ITGA6: variants seen among roughly 807,000 people sequenced by gnomAD.
ITGA6 encodes the protein integrin subunit alpha 6.
Under a neutral mutation model 133.6 loss-of-function variants are expected in ITGA6, and 63 were observed. That is an observed-to-expected ratio of 0.47 (90% CI 0.38 to 0.58). ITGA6 has a LOEUF of 0.58. Among genes scored for constraint, ITGA6 ranks in the 20% least tolerant of loss-of-function variants. ITGA6 has a pLI of 0.00. For missense variants in ITGA6, 1,068 were observed against 1,309.4 expected, an observed-to-expected ratio of 0.82 and a Z score of 2.85; for synonymous variants, 434 against 482.0, an observed-to-expected ratio of 0.90 and a Z score of 1.30.
At position 172,480,550 on chromosome 2, in the gene ITGA6, G is replaced by T. The variant is rs143776900; in HGVS notation, c.1549+499G>T. Among the ~76,000 whole-genome samples the T allele has an allele frequency of 4.0e-3, 606 of 152,248 alleles. 6 individuals carry two copies. In the South Asian group the frequency reaches 0.05, roughly 13 times the overall value. The stretch of plus-strand genomic sequence containing the variant: ...CTGTGTTCCCAAGAGCAGGCCCCTA[G>T]GGAATTTGCAAGCCGGCCCTGAGAG... On this transcript the variant is annotated intron_variant, in intron 11 of 25. Coordinates refer to ENST00000684293, the MANE Select transcript of ITGA6 (RefSeq NM_000210.4).
intron 20 of ITGA6, 178 bp downstream of exon 20, chr2:172,489,836 C>G (rs1686846420): frequency 3.2e-6 from 2 of 615,992 alleles, no homozygotes; most frequent in Non-Finnish European, 5.7e-6. Context: ...GGCATTTTTG[C>G]TGGTTAATGA....
chr2:172,436,278 G>A (rs1240068687), intron 1 of ITGA6, among the ~76,000 whole-genome samples: 1 of 152,174 alleles, frequency 6.6e-6, no homozygotes, highest in Non-Finnish European at 1.5e-5. Flanking sequence ...GAGGACTTTC[G>A]GGAATCCCAG....
At chr2:172,428,140 C>T (rs952542903) in intron 1 of ITGA6, 170 bp downstream of exon 1, 15 of 424,114 alleles carry the variant, frequency 3.5e-5, no homozygotes, top group Non-Finnish European at 5.5e-5. Flanking sequence ...CGCCCTGACC[C>T]GCCCCGCGCG....
At chr2:172,444,342 C>G (rs1450495830) in intron 1 of ITGA6, among the ~76,000 whole-genome samples, 2 of 152,148 alleles carry the variant, frequency 1.3e-5, no homozygotes, top group African/African-American at 2.4e-5. Flanking sequence ...AGGACTGATT[C>G]AGTATACACA....
rs1686751173 is a variant in ITGA6, at chr2:172,487,712, A to AT, written c.2245-13dup. ...GTATGCATGGCCTGTGTTAACAGCT[A>AT]TTTATGTTTTTTTAGGTCACTTTTT... On this transcript the variant is annotated splice_polypyrimidine_tract_variant and intron_variant, in intron 16 of 25. Coordinates refer to ENST00000684293, the MANE Select transcript of ITGA6 (RefSeq NM_000210.4). 6.2e-7 allele frequency: 1 copy of AT among 1,604,856 alleles called. No individual in the cohort carries two copies. The highest frequency in any genetic ancestry group is 8.5e-7 in the Non-Finnish European group (1 of 1,172,086).
rs1686617403 is a variant in ITGA6, at chr2:172,485,264, T to TG, written c.1854+1dup. 6.2e-7 allele frequency: 1 copy of TG among 1,614,002 alleles called. No homozygotes were observed. Among genetic ancestry groups the TG allele is most frequent in the Non-Finnish European group, 8.5e-7 (1 of 1,179,920 alleles). ...ATGAACCCAAGACAGCTCATATTGA[T>TG]GTAAGTCTCTCTGACTTTCATTTTG... On this transcript the variant is annotated frameshift_variant and splice_region_variant. Transcript: ENST00000684293. LOFTEE classifies it high-confidence loss of function.
intron 24 of ITGA6, 84 bp downstream of exon 24, chr2:172,498,184 T>G (rs1410094350): frequency 1.2e-5 from 16 of 1,341,326 alleles, no homozygotes; most frequent in Non-Finnish European, 1.6e-5. Flanking sequence ...TAGTACGTTT[T>G]CTTTTTCATT....
At chr2:172,461,562 T>G (rs749450704) in intron 1 of ITGA6, among the ~76,000 whole-genome samples, 33 of 152,214 alleles carry the variant, frequency 2.2e-4, no homozygotes, top group Non-Finnish European at 1.2e-4. Flanking sequence ...ACATAGCTCT[T>G]TCCTCCTTCA....
At chr2:172,479,920 A>G in intron 10 of ITGA6, 70 bp from the exon 11 acceptor site, 1 of 1,124,758 alleles carries the variant, frequency 8.9e-7, no homozygotes, top group Non-Finnish European at 1.4e-6. Context: ...TTGGAGAGCT[A>G]GGGAACATGT....
In ITGA6 at chr2:172,475,700, G is replaced by A. The variant is rs542877140; in HGVS notation, c.1269+15G>A. The A allele has an allele frequency of 1.3e-5, 19 of 1,430,134 alleles. No homozygotes were observed. Among genetic ancestry groups the A allele is most frequent in the African/African-American group, 5.6e-5 (4 of 71,476 alleles). 88.6% of individuals were successfully genotyped at this position (1,430,134 alleles called of 1,614,324 possible). A position where few individuals can be genotyped will look rare whatever the true frequency, so the allele number is the denominator to read the frequency against. ...AACCAACACAGGTAACCAAATAACC[G>A]GGATTTCTACAGCTAGAGTCTCAAC... On this transcript the variant is annotated intron_variant, in intron 8 of 25. Coordinates refer to ENST00000684293, the MANE Select transcript of ITGA6 (RefSeq NM_000210.4).
At chr2:172,475,798 A>G in intron 8 of ITGA6, 113 bp downstream of exon 8, 2 of 697,572 alleles carry the variant, frequency 2.9e-6, no homozygotes, top group Admixed American at 4.8e-5. Flanking sequence ...ACAAGTCCAC[A>G]ATAGTATAAA....
intron 1 of ITGA6, 175 bp downstream of exon 1, chr2:172,428,145 C>G: frequency 2.6e-6 from 1 of 384,476 alleles, no homozygotes; most frequent in Non-Finnish European, 4.2e-6. Context: ...TGACCCGCCC[C>G]GCGCGGCGCC....
chr2:172,464,944 GAAAA>G (rs66475010), intron 1 of ITGA6, among the ~76,000 whole-genome samples: 1 of 147,748 alleles, frequency 6.8e-6, no homozygotes, highest in East Asian at 2.0e-4. Context: ...AAACTGGAGG[GAAAA>G]AAAAAAAAGA....
At chr2:172,501,650 C>A in intron 24 of ITGA6, 122 bp from the exon 25 acceptor site, 1 of 868,684 alleles carries the variant, frequency 1.2e-6, no homozygotes, top group Non-Finnish European at 1.9e-6. Context: ...TGTTGGTTGA[C>A]TGAAAGTGGT....
Position 172,456,051 on chromosome 2 carries a change from C to T in ITGA6, c.183-9488C>T, listed in dbSNP as rs111235631. ...GAGAGGAGAGTAAAGACTAAGCAGT[C>T]GAGGCAGGCCACCAGGTTTGCTGAG... On this transcript the variant is annotated intron_variant, in intron 1 of 25. Transcript: ENST00000684293. Among the ~76,000 whole-genome samples the T allele has an allele frequency of 7.5e-3, 1,144 of 152,250 alleles. 9 individuals carry two copies. The highest frequency in any genetic ancestry group is 0.013 in the Non-Finnish European group (872 of 68,012).
intron 8 of ITGA6, among the ~76,000 whole-genome samples, chr2:172,476,171 C>T (rs542488727): frequency 6.6e-6 from 1 of 152,230 alleles, no homozygotes; most frequent in South Asian, 2.1e-4. Flanking sequence ...CAGAAATGGG[C>T]TCTTTTCTGC....
intron 5 of ITGA6, among the ~76,000 whole-genome samples, chr2:172,473,679 T>C (rs1478212890): frequency 1.3e-5 from 2 of 152,256 alleles, no homozygotes; most frequent in Admixed American, 6.5e-5. Flanking sequence ...TCTGTGTATA[T>C]GATGTAACAT....
At position 172,484,850 on chromosome 2, in the gene ITGA6, C is replaced by T. The variant is rs751599520; in HGVS notation, c.1618C>T (p.Arg540Ter). ...KSGLSSRVQF[R>*]NQGSEPKYTQ... The stretch of plus-strand genomic sequence containing the variant: ...TGGGCTATCCTCAAGAGTTCAGTTT[C>T]GAAACCAAGGTTCTGAGCCCAAATA... The change falls in exon 12 of 26, where the codon CGA (arginine) becomes TGA (stop). Residue 540 changes from arginine to a stop codon, truncating the protein, a stop_gained. Coordinates refer to ENST00000684293, the MANE Select transcript of ITGA6 (RefSeq NM_000210.4). LOFTEE classifies it high-confidence loss of function. The T allele has an allele frequency of 3.7e-6, 6 of 1,614,052 alleles. No individual in the cohort carries two copies. The highest frequency in any genetic ancestry group is 1.1e-5 in the South Asian group (1 of 91,080).
chr2:172,449,993 A>G (rs1012840142), intron 1 of ITGA6, among the ~76,000 whole-genome samples: 2 of 151,848 alleles, frequency 1.3e-5, no homozygotes, highest in African/African-American at 4.8e-5. Flanking sequence ...GAAGGATGCA[A>G]CCAGCGAAGA....
Sources: allele counts gnomAD v4.1 joint callset (sites outside exome capture counted in the v4.1 genomes callset), GRCh38; gene constraint gnomAD v4.1.1; transcripts MANE v1.5; gene names NCBI Gene and HGNC (gene_info 2026-07-23, HGNC 2026-07-21).